The following CD200R1 variants were observed in gnomAD, a reference collection of about 807,000 sequenced individuals.
The protein encoded by CD200R1 is cell surface glycoprotein CD200 receptor 1.
CD200R1 carries 30 observed loss-of-function variants against 38.1 expected under a neutral mutation model. That is an observed-to-expected ratio of 0.79 (90% CI 0.59 to 1.07). The LOEUF is 1.07. Among genes scored for constraint, CD200R1 ranks in the 50% least tolerant of loss-of-function variants. The probability of loss-of-function intolerance (pLI) is 0.00; values close to 1 mark genes in which losing one functional copy is unlikely to be tolerated. For synonymous variants in CD200R1, 128 were observed against 152.1 expected (o/e 0.84, Z 1.16); for missense variants, 372 against 415.4 (o/e 0.90, Z 0.91).
In CD200R1 at chr3:112,924,493, C is replaced by A; in HGVS notation, c.921G>T (p.Glu307Asp). 7.5e-7 allele frequency: 1 copy of A among 1,335,632 alleles called. No individual in the cohort carries two copies. Among genetic ancestry groups the A allele is most frequent in the Non-Finnish European group, 9.8e-7 (1 of 1,019,132 alleles). 82.7% of individuals were successfully genotyped at this position (1,335,632 alleles called of 1,614,324 possible). The change falls in exon 7 of 8, where the codon GAG becomes GAT. Residue 307 changes from glutamate to aspartate, a missense_variant. Glu to Asp is a conservative substitution (Grantham distance 45). Coordinates refer to ENST00000308611, the MANE Select transcript of CD200R1 (RefSeq NM_138806.4). ...LNKTESTPVVEEDEMQPYASY... is the reference protein window; with the variant it reads ...LNKTESTPVVDEDEMQPYASY... Reference sequence around the variant, plus strand: ...AGTCTTTTTTATCTTATCTTACCTCCTCAACAACTGGAGTAGATTCTGTTT... The same window carrying A: ...AGTCTTTTTTATCTTATCTTACCTCATCAACAACTGGAGTAGATTCTGTTT...
At position 112,928,929 on chromosome 3, in the gene CD200R1, C is replaced by G; in HGVS notation, c.656G>C (p.Gly219Ala). The change falls in exon 5 of 8, where the codon GGC becomes GCC. Residue 219 changes from glycine to alanine, a missense_variant. Coordinates refer to ENST00000308611, the MANE Select transcript of CD200R1 (RefSeq NM_138806.4). ...CATKQEYWSN[G>A]TVTVKSTCHW... ...GCATGTACTCTTAACAGTCACTGTG[C>G]CATTGCTCCAGTATTCTTGCTTAGT... The G allele has an allele frequency of 2.5e-6, 4 of 1,613,938 alleles. No homozygotes were observed. Among genetic ancestry groups the G allele is most frequent in the Non-Finnish European group, 3.4e-6 (4 of 1,179,934 alleles).
intron 1 of CD200R1, among the ~76,000 whole-genome samples, chr3:112,958,866 T>G (rs538039535): frequency 1.3e-5 from 2 of 152,260 alleles, no homozygotes; most frequent in South Asian, 2.1e-4. Flanking sequence ...TTACTCACTT[T>G]GAGCACCAGA....
chr3:112,966,828 A>T (rs1933176671), intron 1 of CD200R1, among the ~76,000 whole-genome samples: 1 of 151,808 alleles, frequency 6.6e-6, no homozygotes, highest in South Asian at 2.1e-4. Context: ...TTGCTGCCTA[A>T]CTTCTTGAAT....
At chr3:112,940,951 C>A (rs1940713355) in intron 2 of CD200R1, among the ~76,000 whole-genome samples, 1 of 151,718 alleles carries the variant, frequency 6.6e-6, no homozygotes, top group Non-Finnish European at 1.5e-5. Flanking sequence ...GGTATATATA[C>A]ACAATGGAAT....
intron 1 of CD200R1, among the ~76,000 whole-genome samples, chr3:112,969,515 C>G (rs963167649): frequency 1.3e-5 from 2 of 152,180 alleles, no homozygotes; most frequent in Non-Finnish European, 1.5e-5. Context: ...TTGTTCCTGC[C>G]ACTAGGATCA....
intron 1 of CD200R1, among the ~76,000 whole-genome samples, chr3:112,970,039 G>A (rs1252488884): frequency 6.6e-5 from 10 of 151,852 alleles, no homozygotes; most frequent in East Asian, 5.8e-4. Flanking sequence ...TTAGCCTGGC[G>A]TGGTGGTGCA....
intron 1 of CD200R1, 78 bp downstream of exon 1, chr3:112,974,713 G>A (rs1376170841): frequency 1.0e-6 from 1 of 974,906 alleles, no homozygotes. Context: ...TATTGCCCCA[G>A]AAGAAAGACA....
Position 112,926,372 on chromosome 3 carries a change from T to A in CD200R1, c.770-1179A>T, listed in dbSNP as rs375566885. ...TGTTTTTAAATACTGAATTTCTCCA[T>A]ATGTTATATGAAAATTAAATGTTTG... On this transcript the variant is annotated intron_variant, in intron 5 of 7. Transcript: ENST00000308611. Among the ~76,000 whole-genome samples, 178 of 152,306 alleles carry A rather than the reference T, an allele frequency of 1.2e-3. 5 individuals carry two copies. The South Asian group carries it at 0.034, about 29-fold the overall frequency.
intron 2 of CD200R1, among the ~76,000 whole-genome samples, chr3:112,944,237 C>T (rs532119254): frequency 2.0e-5 from 3 of 151,850 alleles, no homozygotes; most frequent in African/African-American, 7.2e-5. Context: ...ATTTTTAAAT[C>T]CTCAGTAAAA....
At chr3:112,933,636 C>A (rs1485394689) in intron 2 of CD200R1, among the ~76,000 whole-genome samples, 1 of 151,884 alleles carries the variant, frequency 6.6e-6, no homozygotes, top group African/African-American at 2.4e-5. Flanking sequence ...AGTAACATAA[C>A]CAATTATAAG....
chr3:112,948,835 T>C (rs1397160714), intron 1 of CD200R1, among the ~76,000 whole-genome samples: 1 of 152,222 alleles, frequency 6.6e-6, no homozygotes, highest in African/African-American at 2.4e-5. Context: ...AGAGATATCA[T>C]AATAAACAAT....
rs1576123316 is a variant in CD200R1, at chr3:112,923,664, A to G, written c.*13T>C. ...TCGTTTGTTGTTGTTTCTTGGTACT[A>G]GAGTCCAACAACTTATAAAGTATGG... On this transcript the variant is annotated 3_prime_UTR_variant, in exon 8 of 8. Coordinates refer to ENST00000308611, the MANE Select transcript of CD200R1 (RefSeq NM_138806.4). 1.6e-6 allele frequency: 2 copies of G among 1,272,220 alleles called. No homozygotes were observed. The highest frequency in any genetic ancestry group is 1.2e-5 in the South Asian group (1 of 80,426). 78.8% of individuals were successfully genotyped at this position (1,272,220 alleles called of 1,614,324 possible).
intron 1 of CD200R1, among the ~76,000 whole-genome samples, chr3:112,950,601 A>C (rs779870083): frequency 1.1e-4 from 17 of 152,146 alleles, no homozygotes; most frequent in Non-Finnish European, 1.8e-4. Context: ...TAGTACCCTA[A>C]CCCAGCATCT....
At chr3:112,930,666 C>A (rs1405191637) in intron 3 of CD200R1, among the ~76,000 whole-genome samples, 1 of 152,200 alleles carries the variant, frequency 6.6e-6, no homozygotes, top group Non-Finnish European at 1.5e-5. Flanking sequence ...TAAGCAGAAT[C>A]AGCTATAGAG....
intron 2 of CD200R1, among the ~76,000 whole-genome samples, chr3:112,935,127 C>T (rs1185730706): frequency 2.0e-5 from 3 of 152,036 alleles, no homozygotes; most frequent in African/African-American, 7.2e-5. Flanking sequence ...GAGAGATAAA[C>T]CTCAAAGCAA....
At chr3:112,952,904 C>G (rs1941001382) in intron 1 of CD200R1, among the ~76,000 whole-genome samples, 1 of 152,032 alleles carries the variant, frequency 6.6e-6, no homozygotes, top group Admixed American at 6.6e-5. Flanking sequence ...ATCTGGATCC[C>G]TTTATTTGTT....
intron 1 of CD200R1, among the ~76,000 whole-genome samples, chr3:112,964,287 C>T (rs1315951808): frequency 6.6e-6 from 1 of 152,162 alleles, no homozygotes; most frequent in African/African-American, 2.4e-5. Context: ...ACTCCAGACC[C>T]CAGAATGGTA....
intron 2 of CD200R1, among the ~76,000 whole-genome samples, chr3:112,943,294 T>C (rs769904538): frequency 1.3e-5 from 2 of 151,632 alleles, no homozygotes; most frequent in Non-Finnish European, 3.0e-5. Context: ...TAGACCATGA[T>C]GGAATTAAAC....
At chr3:112,936,924 G>C (rs1184224895) in intron 2 of CD200R1, among the ~76,000 whole-genome samples, 1 of 152,124 alleles carries the variant, frequency 6.6e-6, no homozygotes, top group Non-Finnish European at 1.5e-5. Context: ...TTTTCTTCTA[G>C]GGTTTTTAGA....
Sources: gnomAD v4.1 joint callset for allele counts (sites outside exome capture counted in the v4.1 genomes callset) on GRCh38, gnomAD v4.1.1 for gene constraint, MANE v1.5 for transcripts, NCBI Gene and HGNC (gene_info 2026-07-23, HGNC 2026-07-21) for gene names.